PTPRK: variants seen among roughly 807,000 people sequenced by gnomAD.
PTPRK encodes protein tyrosine phosphatase receptor type K.
A neutral mutation model predicts 178.0 loss-of-function variants in PTPRK; 75 were observed. The observed-to-expected ratio is 0.42, with a 90% CI of 0.35 to 0.51. PTPRK has a LOEUF of 0.51. Ranked by LOEUF, PTPRK falls within the 20% of genes least tolerant of loss-of-function variation. The pLI is 0.02. For missense variants in PTPRK, 1,441 were observed against 1,797.8 expected (o/e 0.80, Z 3.59); for synonymous variants, 637 against 620.6 (o/e 1.03, Z -0.39).
chr6:128,397,599 C>G lies in PTPRK; in HGVS notation c.190G>C (p.Glu64Gln), dbSNP rs747431535. Reference sequence around the variant, plus strand: ...ATCTCGGGTGGTAGATAATGAGGCTCTTGAGCACTAACATGCACCCATTCA... The same window carrying G: ...ATCTCGGGTGGTAGATAATGAGGCTGTTGAGCACTAACATGCACCCATTCA... ...DFEWVHVSAQ[E>Q]PHYLPPEMPQ... Residue 64 changes from glutamate (E) to glutamine (Q), a missense_variant, in exon 2 of 30, where the codon GAG becomes CAG. Around this residue, in one of 4 missense-constraint regions of PTPRK, gnomAD observed 158 missense variants for 188.0 expected, o/e 0.84. Transcript: ENST00000368226. 6 of 1,613,812 alleles carry G rather than the reference C, an allele frequency of 3.7e-6. No homozygotes were observed. The African/African-American group carries it at 6.7e-5, about 18-fold the overall frequency.
chr6:128,081,500 G>T (rs1784814754), intron 10 of PTPRK, among the ~76,000 whole-genome samples: 1 of 151,488 alleles, frequency 6.6e-6, no homozygotes, highest in Non-Finnish European at 1.5e-5. Flanking sequence ...AATGCAAATG[G>T]TATAGATTAA....
At chr6:128,435,330 C>A (rs1845456611) in intron 1 of PTPRK, among the ~76,000 whole-genome samples, 1 of 152,156 alleles carries the variant, frequency 6.6e-6, no homozygotes, top group Admixed American at 6.5e-5. Flanking sequence ...CAATGGACAT[C>A]CTGACAGGGT....
chr6:128,125,602 C>CTTTTTTTTTTTT (rs869038931), intron 7 of PTPRK, among the ~76,000 whole-genome samples: 1 of 68,380 alleles, frequency 1.5e-5, no homozygotes, highest in Non-Finnish European at 3.0e-5. Flanking sequence ...TTGGGCTTTT[C>CTTTTTTTTTTTT]TTTTTTTTTT....
At chr6:128,027,938 T>C (rs1324328872) in intron 13 of PTPRK, 1 of 152,194 alleles carries the variant, frequency 6.6e-6, no homozygotes, top group Non-Finnish European at 1.5e-5. Context: ...GTATCACCTC[T>C]TTCCTAGTCT....
chr6:128,212,426 A>G (rs143394872), intron 6 of PTPRK, among the ~76,000 whole-genome samples: 176 of 152,182 alleles, frequency 1.2e-3, no homozygotes, highest in Non-Finnish European at 2.2e-3. Context: ...AGAAAGAAAA[A>G]TGATTAACAG....
intron 7 of PTPRK, among the ~76,000 whole-genome samples, chr6:128,093,392 G>A (rs1159585497): frequency 1.3e-5 from 2 of 151,654 alleles, no homozygotes; most frequent in African/African-American, 2.4e-5. Flanking sequence ...TCAGGAGCTC[G>A]AGACCAGCAT....
intron 21 of PTPRK, among the ~76,000 whole-genome samples, chr6:127,989,899 C>A (rs1421847449): frequency 1.3e-5 from 2 of 151,254 alleles, no homozygotes; most frequent in African/African-American, 4.9e-5. Context: ...TCTGTATGTA[C>A]CTTTGATATT....
At chr6:128,209,403 TCCAGTG>T (rs1807641535) in intron 6 of PTPRK, among the ~76,000 whole-genome samples, 1 of 152,090 alleles carries the variant, frequency 6.6e-6, no homozygotes, top group African/African-American at 2.4e-5. Flanking sequence ...GAACATGTTT[TCCAGTG>T]CCAGTCCCTC....
intron 1 of PTPRK, among the ~76,000 whole-genome samples, chr6:128,425,947 C>T (rs1844081744): frequency 6.6e-6 from 1 of 152,172 alleles, no homozygotes; most frequent in South Asian, 2.1e-4. Flanking sequence ...GCATAAATAA[C>T]ATTAAATACT....
At chr6:128,147,701 G>GAGCC (rs1364622547) in intron 7 of PTPRK, among the ~76,000 whole-genome samples, 2 of 152,068 alleles carry the variant, frequency 1.3e-5, no homozygotes, top group Non-Finnish European at 2.9e-5. Context: ...AAGTACATAT[G>GAGCC]AGGATACCCT....
At chr6:128,193,281 A>AAT (rs1491381961) in intron 6 of PTPRK, among the ~76,000 whole-genome samples, 3 of 13,342 alleles carry the variant, frequency 2.2e-4, no homozygotes, top group Admixed American at 9.5e-4. Flanking sequence ...CCAGCTTGTG[A>AAT]AAAAAAAAAA....
chr6:128,222,021 A>C (rs1013807130), intron 5 of PTPRK, among the ~76,000 whole-genome samples: 11 of 152,108 alleles, frequency 7.2e-5, no homozygotes, highest in African/African-American at 1.9e-4. Flanking sequence ...CCTCTAGCTT[A>C]TCTCTCCAGG....
intron 6 of PTPRK, among the ~76,000 whole-genome samples, chr6:128,208,321 C>G (rs1405819745): frequency 6.6e-6 from 1 of 150,428 alleles, no homozygotes; most frequent in Non-Finnish European, 1.5e-5. Flanking sequence ...AAAAAATTCC[C>G]TCTCCCAACC....
intron 7 of PTPRK, among the ~76,000 whole-genome samples, chr6:128,093,613 A>C (rs1164448148): frequency 2.1e-4 from 31 of 148,724 alleles, no homozygotes; most frequent in Admixed American, 8.7e-4. Context: ...AAAAAAAAAA[A>C]AAAAAAAAAA....
intron 13 of PTPRK, among the ~76,000 whole-genome samples, chr6:128,015,355 T>C (rs1583652499): frequency 1.3e-5 from 2 of 151,890 alleles, no homozygotes; most frequent in East Asian, 3.9e-4. Flanking sequence ...ATTCATTCAA[T>C]TAGGTAAAAT....
At chr6:128,061,278 G>A (rs1780762179) in intron 13 of PTPRK, among the ~76,000 whole-genome samples, 1 of 151,944 alleles carries the variant, frequency 6.6e-6, no homozygotes, top group African/African-American at 2.4e-5. Context: ...CTTTGTTCAA[G>A]GTACTTTGTC....
chr6:128,498,194 C>T (rs1315189842), intron 1 of PTPRK, among the ~76,000 whole-genome samples: 1 of 152,188 alleles, frequency 6.6e-6, no homozygotes, highest in Non-Finnish European at 1.5e-5. Context: ...TCCAAGCATT[C>T]TCCCATCCAA....
chr6:128,094,803 C>T (rs1787628025), intron 7 of PTPRK, among the ~76,000 whole-genome samples: 1 of 151,410 alleles, frequency 6.6e-6, no homozygotes, highest in Non-Finnish European at 1.5e-5. Flanking sequence ...CCCATCCTTT[C>T]AGAGATAAGA....
intron 1 of PTPRK, among the ~76,000 whole-genome samples, chr6:128,459,257 G>T (rs1848742427): frequency 2.0e-5 from 3 of 152,058 alleles, no homozygotes; most frequent in Admixed American, 2.0e-4. Flanking sequence ...TTCTATAATG[G>T]TCAGGGCATG....
Sources: gnomAD v4.1 joint callset for allele counts (sites outside exome capture counted in the v4.1 genomes callset) on GRCh38, gnomAD v4.1.1 for gene constraint, gnomAD v4.1.1 regional missense constraint, MANE v1.5 for transcripts, NCBI Gene and HGNC (gene_info 2026-07-23, HGNC 2026-07-21) for gene names.